CTBP2: variants seen among roughly 807,000 people sequenced by gnomAD.
CTBP2 encodes C-terminal-binding protein 2.
CTBP2 carries 30 observed loss-of-function variants against 80.3 expected under a neutral mutation model. The ratio of observed to expected loss-of-function variants is 0.37; its 90% confidence interval spans 0.28 to 0.51. The LOEUF is 0.51. Among genes scored for constraint, CTBP2 ranks in the 20% least tolerant of loss-of-function variants. The pLI, the probability that CTBP2 is intolerant of heterozygous loss-of-function variation, is 0.93. For missense variants in CTBP2, 1,212 were observed against 1,375.3 expected (o/e 0.88, Z 1.88); for synonymous variants, 594 against 587.4 (o/e 1.01, Z -0.16).
At position 124,989,518 on chromosome 10, in the gene CTBP2, C is replaced by A; in HGVS notation, c.2958G>T (p.Ter986TyrextTer18). 1 of 1,612,420 alleles carries A rather than the reference C, an allele frequency of 6.2e-7. No homozygotes were observed. Among genetic ancestry groups the A allele is most frequent in the Non-Finnish European group, 8.5e-7 (1 of 1,179,794 alleles). ...AGTGATTACCTTCTGGCATTCTCTG[C>A]TATTGCTCGTTGGGGTGCTCTCGAT... Residue 986 changes from the stop codon to tyrosine, a stop_lost, in exon 9 of 9, where the codon TAG (stop) becomes TAT (tyrosine). Coordinates refer to ENST00000309035, the MANE Select transcript of CTBP2 (RefSeq NM_022802.3).
chr10:125,026,637 G>T lies in CTBP2; in HGVS notation c.1123C>A (p.Arg375=), dbSNP rs572652265. The change falls in exon 1 of 9, where the codon CGA becomes AGA. Residue 375 remains arginine (R), a synonymous_variant. Coordinates refer to ENST00000309035, the MANE Select transcript of CTBP2 (RefSeq NM_022802.3). ...AAGTCACCATGGAGCAGTTCGCTTC[G>T]GTGGCTGAAGCTGCTGGACCGCGCC... The T allele has an allele frequency of 1.3e-6, 2 of 1,578,886 alleles. No individual in the cohort carries two copies. Among genetic ancestry groups the T allele is most frequent in the East Asian group, 2.3e-5 (1 of 42,566 alleles).
At chr10:125,104,100 T>C (rs542730674) in intron 2 of CTBP2, among the ~76,000 whole-genome samples, 8 of 152,016 alleles carry the variant, frequency 5.3e-5, no homozygotes, top group Non-Finnish European at 8.8e-5. Context: ...TTTCCACAAA[T>C]CCCTATTAAA....
At chr10:125,033,073 T>A (rs1230237982) in intron 3 of CTBP2, among the ~76,000 whole-genome samples, 1 of 152,284 alleles carries the variant, frequency 6.6e-6, no homozygotes, top group East Asian at 1.9e-4. Flanking sequence ...AAGTCTCGGA[T>A]AAATCTGCGT....
chr10:125,067,981 T>C (rs1844900690), intron 2 of CTBP2, among the ~76,000 whole-genome samples: 1 of 152,180 alleles, frequency 6.6e-6, no homozygotes, highest in South Asian at 2.1e-4. Context: ...CTCTCACCTG[T>C]CCACTTGCCA....
rs556475361 is a variant in CTBP2 at position 125,082,366 on chromosome 10, C to T, written c.-102+28624G>A. On this transcript the variant is annotated intron_variant, in intron 2 of 10. Transcript: ENST00000337195. The stretch of plus-strand genomic sequence containing the variant: ...CACCTTGGAGATGCTGCCCTTCTGG[C>T]CTCTCTCTGGAGAAGACAAAAAACT... Among the ~76,000 whole-genome samples, 44 of 152,296 alleles carry T rather than the reference C, an allele frequency of 2.9e-4. No homozygotes were observed. The South Asian group carries it at 6.6e-3, about 23-fold the overall frequency.
At chr10:125,052,902 A>G (rs1963105190) in intron 2 of CTBP2, among the ~76,000 whole-genome samples, 2 of 152,182 alleles carry the variant, frequency 1.3e-5, no homozygotes. Context: ...ACACTTCCCA[A>G]GTTCATGGGA....
chr10:125,153,046 C>T (rs987725982), intron 1 of CTBP2, among the ~76,000 whole-genome samples: 13 of 152,382 alleles, frequency 8.5e-5, no homozygotes, highest in African/African-American at 2.9e-4. Context: ...AGCCAATGGT[C>T]AGCCAAGTTC....
At chr10:125,118,648 C>T (rs1051272008) in intron 1 of CTBP2, among the ~76,000 whole-genome samples, 9 of 146,356 alleles carry the variant, frequency 6.1e-5, no homozygotes, top group Admixed American at 1.4e-4. Context: ...GAGTGGGGCA[C>T]GACAGTCCTA....
chr10:125,071,443 C>A (rs931976203), intron 2 of CTBP2, among the ~76,000 whole-genome samples: 2 of 152,206 alleles, frequency 1.3e-5, no homozygotes, highest in East Asian at 3.8e-4. Context: ...TGAGCCTGAG[C>A]CCAAGTGGGA....
intron 8 of CTBP2, among the ~76,000 whole-genome samples, chr10:124,990,734 G>T (rs776607984): frequency 6.6e-6 from 1 of 152,228 alleles, no homozygotes; most frequent in East Asian, 1.9e-4. Flanking sequence ...CTTGGGAAGT[G>T]ACTGGGTGAG....
In CTBP2 at chr10:124,994,433, C is replaced by T. The variant is rs369372765; in HGVS notation, c.2400+36G>A. The stretch of plus-strand genomic sequence containing the variant: ...CCCACAAGCAAGTGCTACCACCTTT[C>T]GACAGAAGCTTCCATGGCATCTATT... On this transcript the variant is annotated intron_variant, in intron 5 of 8. Coordinates refer to ENST00000309035, the MANE Select transcript of CTBP2 (RefSeq NM_022802.3). 89 of 1,603,328 alleles carry T rather than the reference C, an allele frequency of 5.6e-5. 1 individual carries two copies. The highest frequency in any genetic ancestry group is 5.0e-4 in the Middle Eastern group (3 of 6,056).
intron 2 of CTBP2, among the ~76,000 whole-genome samples, chr10:125,091,391 A>G (rs1264610532): frequency 1.3e-5 from 2 of 152,184 alleles, no homozygotes; most frequent in Admixed American, 1.3e-4. Context: ...CTGTCTTCGT[A>G]AATCTTGCAT....
At chr10:125,049,117 ACAC>A (rs1289857477) in intron 2 of CTBP2, among the ~76,000 whole-genome samples, 10 of 130,180 alleles carry the variant, frequency 7.7e-5, no homozygotes, top group Admixed American at 6.2e-4. Flanking sequence ...ACACATACAC[ACAC>A]AACACCCCTT....
chr10:125,046,284 C>T (rs1185792677), intron 2 of CTBP2, among the ~76,000 whole-genome samples: 3 of 152,066 alleles, frequency 2.0e-5, no homozygotes, highest in Non-Finnish European at 4.4e-5. Context: ...TACCTGTAAT[C>T]CTAGCACACT....
intron 2 of CTBP2, among the ~76,000 whole-genome samples, chr10:125,063,879 G>A (rs1844218668): frequency 6.6e-6 from 1 of 152,100 alleles, no homozygotes; most frequent in Admixed American, 6.5e-5. Context: ...CCCGTGTAGG[G>A]ACCCCTGCAG....
At chr10:125,108,121 T>C (rs1005838982) in intron 2 of CTBP2, among the ~76,000 whole-genome samples, 5 of 152,190 alleles carry the variant, frequency 3.3e-5, no homozygotes, top group Non-Finnish European at 5.9e-5. Context: ...TTCTGACAAA[T>C]AGCAACATAC....
chr10:125,139,577 G>C (rs1430059618), intron 1 of CTBP2, among the ~76,000 whole-genome samples: 3 of 151,842 alleles, frequency 2.0e-5, no homozygotes, highest in South Asian at 2.1e-4. Context: ...TTGGACTCTG[G>C]GAGCTTCCAG....
Position 124,984,915 on chromosome 10 carries a change from C to G in CTBP2, c.*4603G>C. 1 of 1,613,866 alleles carries G rather than the reference C, an allele frequency of 6.2e-7. No individual in the cohort carries two copies. The highest frequency in any genetic ancestry group is 1.3e-5 in the African/African-American group (1 of 74,908). On this transcript the variant is annotated 3_prime_UTR_variant, in exon 9 of 9. Transcript: ENST00000309035. ...GGTCACTCAGATGGTAGAAAAATGG[C>G]TTGACCGCTACCGACAGATCCGGCC...
At chr10:125,136,911 C>G (rs1459120918) in intron 1 of CTBP2, among the ~76,000 whole-genome samples, 4 of 152,166 alleles carry the variant, frequency 2.6e-5, no homozygotes, top group South Asian at 2.1e-4. Flanking sequence ...TTGAAAGAGC[C>G]GGGAGCGATT....
Sources: gnomAD v4.1 joint callset for allele counts (sites outside exome capture counted in the v4.1 genomes callset) on GRCh38, gnomAD v4.1.1 for gene constraint, MANE v1.5 for transcripts, NCBI Gene and HGNC (gene_info 2026-07-23, HGNC 2026-07-21) for gene names.